Variants in CMSS1 observed in about 807,000 individuals in gnomAD.
The protein encoded by CMSS1 is cms1 ribosomal small subunit homolog, also known as protein CMSS1.
Under a neutral mutation model 43.5 loss-of-function variants are expected in CMSS1, and 33 were observed. The observed-to-expected ratio is 0.76, with a 90% CI of 0.57 to 1.01. The LOEUF (loss-of-function observed/expected upper bound fraction) is 1.01. Ranked by LOEUF, CMSS1 falls within the 50% of genes least tolerant of loss-of-function variation. The pLI is 0.00. For synonymous variants in CMSS1, 115 were observed against 117.2 expected (o/e 0.98, Z 0.12); for missense variants, 313 against 326.4 (o/e 0.96, Z 0.32).
chr3:99,983,428 G>A (rs1267395081), intron 1 of CMSS1, among the ~76,000 whole-genome samples: 485 of 46,716 alleles, frequency 0.01, 8 homozygotes, highest in African/African-American at 0.03. Flanking sequence ...ATGTATGTAT[G>A]TATGTATATA....
At chr3:99,958,312 C>G (rs1311451923) in intron 1 of CMSS1, among the ~76,000 whole-genome samples, 1 of 150,906 alleles carries the variant, frequency 6.6e-6, no homozygotes, top group African/African-American at 2.4e-5. Flanking sequence ...GGGAAAATAA[C>G]CAGCCACCCA....
chr3:100,103,180 A>G (rs1461719016), intron 1 of CMSS1, among the ~76,000 whole-genome samples: 1 of 152,170 alleles, frequency 6.6e-6, no homozygotes, highest in Admixed American at 6.6e-5. Context: ...GGTGATTTGA[A>G]GTCTCCCCAC....
At chr3:99,925,970 T>A in intron 1 of CMSS1, 1 of 710,942 alleles carries the variant, frequency 1.4e-6, no homozygotes, top group Non-Finnish European at 1.7e-6. Flanking sequence ...AGTGATAAAT[T>A]AATATCTATT....
chr3:99,818,550 T>C (rs190780384), intron 1 of CMSS1, among the ~76,000 whole-genome samples: 46 of 152,370 alleles, frequency 3.0e-4, no homozygotes, highest in African/African-American at 9.6e-5. Context: ...TAATGCACTT[T>C]AGCATAGTGC....
chr3:100,120,331 A>G (rs2066609118), intron 1 of CMSS1, among the ~76,000 whole-genome samples: 1 of 152,222 alleles, frequency 6.6e-6, no homozygotes, highest in African/African-American at 2.4e-5. Context: ...ACTTTTCCAA[A>G]TAGGCACTGG....
chr3:99,888,367 TA>T (rs111463591), intron 1 of CMSS1, among the ~76,000 whole-genome samples: 63 of 145,070 alleles, frequency 4.3e-4, no homozygotes, highest in East Asian at 7.9e-4. Flanking sequence ...CTCCATAGCT[TA>T]AAAAAAAAAA....
At chr3:100,126,184 G>A (rs758117294) in intron 1 of CMSS1, among the ~76,000 whole-genome samples, 13 of 152,164 alleles carry the variant, frequency 8.5e-5, no homozygotes, top group Middle Eastern at 3.4e-3. Flanking sequence ...TTTGACTTTC[G>A]TAATGGAATT....
chr3:99,930,879 G>A, intron 1 of CMSS1: 1 of 1,613,220 alleles, frequency 6.2e-7, no homozygotes, highest in Non-Finnish European at 8.5e-7. Flanking sequence ...GGACACGGAA[G>A]TATTACATCC....
At chr3:100,150,004 G>T (rs984561129) in intron 2 of CMSS1, among the ~76,000 whole-genome samples, 1 of 151,910 alleles carries the variant, frequency 6.6e-6, no homozygotes, top group African/African-American at 2.4e-5. Context: ...TTGACATTCA[G>T]GGCTGGGGTC....
chr3:99,942,854 G>T (rs112563900), intron 1 of CMSS1, among the ~76,000 whole-genome samples: 10 of 152,082 alleles, frequency 6.6e-5, no homozygotes, highest in African/African-American at 2.2e-4. Flanking sequence ...AAAACAAGAG[G>T]TGATTTTCTT....
At chr3:100,060,024 G>A (rs1217756335) in intron 1 of CMSS1, among the ~76,000 whole-genome samples, 1 of 151,220 alleles carries the variant, frequency 6.6e-6, no homozygotes, top group Non-Finnish European at 1.5e-5. Context: ...CAGTTTTCCT[G>A]CTGGAGGAGG....
At chr3:99,948,284 G>A (rs116760793) in intron 1 of CMSS1, among the ~76,000 whole-genome samples, 2,382 of 151,986 alleles carry the variant, frequency 0.016, 38 homozygotes, top group Non-Finnish European at 0.024. Flanking sequence ...CTTGAGCCCC[G>A]GAGTTTGAGA....
At chr3:99,994,850 G>A (rs1050181034) in intron 1 of CMSS1, among the ~76,000 whole-genome samples, 3 of 152,128 alleles carry the variant, frequency 2.0e-5, no homozygotes, top group Admixed American at 6.6e-5. Context: ...TCACTACCAC[G>A]AGAACAGTAT....
intron 1 of CMSS1, among the ~76,000 whole-genome samples, chr3:99,974,256 C>T (rs1218557650): frequency 2.0e-5 from 3 of 151,888 alleles, no homozygotes; most frequent in Non-Finnish European, 4.4e-5. Flanking sequence ...CCAGTATATA[C>T]AGTTCGTGCT....
Position 99,820,017 on chromosome 3 carries a change from T to C in CMSS1, c.64+1974T>C, listed in dbSNP as rs191511041. 2.6e-4 allele frequency among the ~76,000 whole-genome samples: 40 copies of C among 151,882 alleles called. No homozygotes were observed. The East Asian group carries it at 5.5e-3, about 21-fold the overall frequency. On this transcript the variant is annotated intron_variant, in intron 1 of 9. Transcript: ENST00000421999. ...ATCTGCCCACCTCGGCCTCCCAAAG[T>C]GCTGGGATTACAGGCGTGAGCCACC...
chr3:99,898,218 G>A (rs1029074732), intron 1 of CMSS1: 17 of 152,172 alleles, frequency 1.1e-4, no homozygotes, highest in African/African-American at 4.1e-4. Context: ...TGGAAAAAAA[G>A]TATATCTTTA....
intron 1 of CMSS1, among the ~76,000 whole-genome samples, chr3:100,066,912 C>T (rs2065675191): frequency 6.6e-6 from 1 of 152,132 alleles, no homozygotes; most frequent in South Asian, 2.1e-4. Context: ...TATAGCCAGT[C>T]ATTACTTGTT....
intron 1 of CMSS1, chr3:100,041,385 C>T (rs2065202822): frequency 6.6e-6 from 1 of 152,106 alleles, no homozygotes; most frequent in African/African-American, 2.4e-5. Flanking sequence ...TAAATATTTA[C>T]CTTCCACATG....
chr3:100,160,963 TG>T (rs1254907290), intron 3 of CMSS1, among the ~76,000 whole-genome samples: 2 of 152,232 alleles, frequency 1.3e-5, no homozygotes, highest in Non-Finnish European at 2.9e-5. Flanking sequence ...CTGACTAATT[TG>T]GAACCATAAA....
Sources: gnomAD v4.1 joint callset for allele counts (sites outside exome capture counted in the v4.1 genomes callset) on GRCh38, gnomAD v4.1.1 for gene constraint, MANE v1.5 for transcripts, NCBI Gene and HGNC (gene_info 2026-07-23, HGNC 2026-07-21) for gene names.